THSD7A: variants seen among roughly 807,000 people sequenced by gnomAD.
The protein encoded by THSD7A is thrombospondin type-1 domain-containing protein 7A.
Under a neutral mutation model 231.3 loss-of-function variants are expected in THSD7A, and 96 were observed. The ratio of observed to expected loss-of-function variants is 0.41; its 90% confidence interval spans 0.35 to 0.49. The LOEUF is 0.49. Ranked by LOEUF, THSD7A falls within the 20% of genes least tolerant of loss-of-function variation. THSD7A has a pLI of 0.05. For missense variants in THSD7A, 2,290 were observed against 2,070.2 expected, an observed-to-expected ratio of 1.11 and a Z score of -2.06; for synonymous variants, 940 against 743.3, an observed-to-expected ratio of 1.26 and a Z score of -4.30.
At chr7:11,576,524 G>A (rs376884411) in intron 4 of THSD7A, among the ~76,000 whole-genome samples, 1 of 152,156 alleles carries the variant, frequency 6.6e-6, no homozygotes, top group South Asian at 2.1e-4. Flanking sequence ...AGCCGGTCTG[G>A]ATTTGATTCT....
chr7:11,433,991 C>T (rs180953446), intron 13 of THSD7A, among the ~76,000 whole-genome samples: 123 of 152,060 alleles, frequency 8.1e-4, no homozygotes, highest in Non-Finnish European at 1.6e-3. Context: ...CCTAGCATAT[C>T]AATTTTATTT....
At chr7:11,703,222 G>C (rs1160600360) in intron 1 of THSD7A, among the ~76,000 whole-genome samples, 1 of 151,202 alleles carries the variant, frequency 6.6e-6, no homozygotes, top group African/African-American at 2.4e-5. Flanking sequence ...TGTTGAAGAG[G>C]CTAGAAAATA....
intron 13 of THSD7A, among the ~76,000 whole-genome samples, chr7:11,443,755 A>G (rs1401221664): frequency 6.6e-6 from 1 of 152,090 alleles, no homozygotes; most frequent in Non-Finnish European, 1.5e-5. Flanking sequence ...ATACATATTT[A>G]TGGGGTACCT....
intron 4 of THSD7A, among the ~76,000 whole-genome samples, chr7:11,582,342 A>C (rs546056812): frequency 6.6e-6 from 1 of 152,020 alleles, no homozygotes; most frequent in African/African-American, 2.4e-5. Flanking sequence ...TTAAATGTTT[A>C]ACATGCATAA....
chr7:11,753,406 T>C (rs1782569358), intron 1 of THSD7A, among the ~76,000 whole-genome samples: 1 of 152,076 alleles, frequency 6.6e-6, no homozygotes, highest in Non-Finnish European at 1.5e-5. Flanking sequence ...TAATAACTTA[T>C]AACAAAGCTT....
chr7:11,436,654 C>T (rs371216444), intron 13 of THSD7A, among the ~76,000 whole-genome samples: 3 of 150,554 alleles, frequency 2.0e-5, no homozygotes, highest in African/African-American at 7.3e-5. Context: ...TTGAAACATT[C>T]GGAATTTAAG....
chr7:11,782,145 G>A (rs12690745), intron 1 of THSD7A, among the ~76,000 whole-genome samples: 128,136 of 152,210 alleles, frequency 0.84, 54,453 homozygotes, highest in African/African-American at 0.96. Context: ...AACTAAAACC[G>A]TATTTATTCA....
intron 1 of THSD7A, among the ~76,000 whole-genome samples, chr7:11,791,183 A>G (rs986177462): frequency 6.6e-6 from 1 of 151,992 alleles, no homozygotes; most frequent in African/African-American, 2.4e-5. Context: ...AGGACACAGG[A>G]TAGTCAATAC....
chr7:11,536,369 T>A (rs1292815862), intron 6 of THSD7A, among the ~76,000 whole-genome samples: 1 of 152,172 alleles, frequency 6.6e-6, no homozygotes, highest in Non-Finnish European at 1.5e-5. Flanking sequence ...TTTCACTGGA[T>A]CTCTGCACCC....
intron 1 of THSD7A, among the ~76,000 whole-genome samples, chr7:11,712,337 G>A (rs1016877980): frequency 1.1e-4 from 16 of 150,918 alleles, no homozygotes; most frequent in African/African-American, 3.6e-4. Context: ...TTTGAGTTTA[G>A]GCTTGAAGGA....
At chr7:11,769,149 A>T (rs1392535552) in intron 1 of THSD7A, among the ~76,000 whole-genome samples, 3,210 of 35,930 alleles carry the variant, frequency 0.089, 371 homozygotes, top group African/African-American at 0.16. Flanking sequence ...ATATATATAT[A>T]TATATTTTTT....
chr7:11,683,185 G>T (rs1469799847), intron 1 of THSD7A, among the ~76,000 whole-genome samples: 1 of 149,518 alleles, frequency 6.7e-6, no homozygotes, highest in Non-Finnish European at 1.5e-5. Context: ...AATAAGAATA[G>T]AAATCAATAT....
intron 19 of THSD7A, chr7:11,410,389 G>A (rs1161994487): frequency 1.3e-5 from 2 of 152,152 alleles, no homozygotes; most frequent in African/African-American, 4.8e-5. Context: ...AAGACACATG[G>A]TGTCTGTGTA....
chr7:11,813,698 G>C (rs1054625715), intron 1 of THSD7A, among the ~76,000 whole-genome samples: 4 of 149,064 alleles, frequency 2.7e-5, no homozygotes, highest in Admixed American at 2.0e-4. Context: ...GGGCGACAGA[G>C]CAAGACTCCA....
chr7:11,514,997 A>G (rs1160243105), intron 6 of THSD7A, among the ~76,000 whole-genome samples: 2 of 152,178 alleles, frequency 1.3e-5, no homozygotes, highest in African/African-American at 4.8e-5. Context: ...TTTCAAATTT[A>G]TACTCATTTG....
intron 1 of THSD7A, among the ~76,000 whole-genome samples, chr7:11,711,947 A>G (rs1780979288): frequency 6.6e-6 from 1 of 151,022 alleles, no homozygotes; most frequent in Non-Finnish European, 1.5e-5. Flanking sequence ...GTCACCAGAA[A>G]TAGCCTATGG....
At chr7:11,488,619 T>C (rs1297316370) in intron 6 of THSD7A, among the ~76,000 whole-genome samples, 1 of 152,130 alleles carries the variant, frequency 6.6e-6, no homozygotes, top group Admixed American at 6.6e-5. Flanking sequence ...CGAATCCATT[T>C]TCTCTTCCAA....
intron 4 of THSD7A, among the ~76,000 whole-genome samples, chr7:11,582,919 A>G (rs1791228046): frequency 1.4e-5 from 2 of 142,598 alleles, no homozygotes; most frequent in Non-Finnish European, 3.0e-5. Flanking sequence ...CTAATTCTGT[A>G]TATCTGTGTT....
chr7:11,440,540 A>G (rs1784771619), intron 13 of THSD7A, among the ~76,000 whole-genome samples: 1 of 152,060 alleles, frequency 6.6e-6, no homozygotes, highest in Non-Finnish European at 1.5e-5. Flanking sequence ...AGGAGGTCAT[A>G]ATATCTACCT....
Sources: allele counts gnomAD v4.1 joint callset (sites outside exome capture counted in the v4.1 genomes callset), GRCh38; gene constraint gnomAD v4.1.1; transcripts MANE v1.5; gene names NCBI Gene and HGNC (gene_info 2026-07-23, HGNC 2026-07-21).